The following MICAL1 variants were observed in gnomAD, a reference collection of about 807,000 sequenced individuals.
MICAL1 encodes [F-actin]-monooxygenase MICAL1.
MICAL1 carries 95 observed loss-of-function variants against 131.8 expected under a neutral mutation model. That is an observed-to-expected ratio of 0.72 (90% CI 0.61 to 0.86). The LOEUF is 0.86. Ranked by LOEUF, MICAL1 falls within the 40% of genes least tolerant of loss-of-function variation. The probability of loss-of-function intolerance (pLI) is 0.00; values close to 1 mark genes in which losing one functional copy is unlikely to be tolerated. For missense variants in MICAL1, 1,292 were observed against 1,380.6 expected, an observed-to-expected ratio of 0.94 and a Z score of 1.02; for synonymous variants, 546 against 554.2, an observed-to-expected ratio of 0.99 and a Z score of 0.21.
Position 109,447,979 on chromosome 6 carries a change from G to A in MICAL1, c.1856-16C>T. Reference sequence around the variant, plus strand: ...CTGACAGGGCCTGCGGGGAGAGCCAGGGCATCAGTGTGGATGGGGGGTGCC... The same window carrying A: ...CTGACAGGGCCTGCGGGGAGAGCCAAGGCATCAGTGTGGATGGGGGGTGCC... On this transcript the variant is annotated splice_polypyrimidine_tract_variant and intron_variant, in intron 13 of 24. Transcript: ENST00000358807. 6.3e-7 allele frequency: 1 copy of A among 1,593,638 alleles called. No individual in the cohort carries two copies.
chr6:109,449,744 T>C lies in MICAL1; in HGVS notation c.1347A>G (p.Glu449=). 6.2e-7 allele frequency: 1 copy of C among 1,608,014 alleles called. No homozygotes were observed. The highest frequency in any genetic ancestry group is 8.5e-7 in the Non-Finnish European group (1 of 1,176,934). The part of the protein sequence containing the change: ...LYQLLSQTSP[E]NMHRNVAQYG... Reference sequence around the variant, plus strand: ...ACTGGGCCACATTGCGATGCATGTTTTCTGGGGATGTCTGTGACAGAAGCT... The same window carrying C: ...ACTGGGCCACATTGCGATGCATGTTCTCTGGGGATGTCTGTGACAGAAGCT... Residue 449 remains glutamate (E), a synonymous_variant, in exon 10 of 25, where the codon GAA becomes GAG. Transcript: ENST00000358807.
Position 109,453,662 on chromosome 6 carries a change from A to G in MICAL1, c.442T>C (p.Cys148Arg). 1 of 1,610,902 alleles carries G rather than the reference A, an allele frequency of 6.2e-7. No homozygotes were observed. The highest frequency in any genetic ancestry group is 8.5e-7 in the Non-Finnish European group (1 of 1,178,592). ...LGAKKFYGRF[C>R]TGTLDHISIR... is the part of the protein sequence containing the mutation. ...CTGATGTGGTCCAGGGTGCCGGTGC[A>G]GAAGCGCCCGTAGAACTTCTTAGCA... is the stretch of plus-strand genomic sequence containing the variant. Residue 148 changes from cysteine (C) to arginine (R), a missense_variant, in exon 3 of 25, where the codon TGC becomes CGC. By Grantham distance (180) the Cys-to-Arg change is radical (BLOSUM62 -3). Coordinates refer to ENST00000358807, the MANE Select transcript of MICAL1 (RefSeq NM_022765.4).
At chr6:109,454,570 C>A in intron 1 of MICAL1, 1 of 330,284 alleles carries the variant, frequency 3.0e-6, no homozygotes, top group South Asian at 3.4e-5. Flanking sequence ...CTTCCTTAGG[C>A]CTTGGAATCA....
rs1257565808 is a variant in MICAL1, at chr6:109,448,629, CTG to C, written c.1664+101_1664+102del. 2.0e-6 allele frequency: 3 copies of C among 1,508,328 alleles called. No individual in the cohort carries two copies. In the East Asian group the frequency reaches 6.8e-5, roughly 34 times the overall value. 93.4% of individuals were successfully genotyped at this position (1,508,328 alleles called of 1,614,324 possible). On this transcript the variant is annotated intron_variant, in intron 12 of 24. Transcript: ENST00000358807. ...CTGAATGCATTAGAGTCTCACAAGA[CTG>C]TCGGCAGATGCAGGGAAGCACACTG...
chr6:109,453,563 G>C lies in MICAL1; in HGVS notation c.466+75C>G. The C allele has an allele frequency of 4.6e-6, 7 of 1,529,094 alleles. No homozygotes were observed. In the South Asian group the frequency reaches 6.0e-5, roughly 13 times the overall value. 94.7% of individuals were successfully genotyped at this position (1,529,094 alleles called of 1,614,324 possible). ...ATCTTGTCCACTTCGACATTTGGCTGTCCCAGCATTTCCCCACTGGCCTGC... is the reference window on the plus strand; with the variant it reads ...ATCTTGTCCACTTCGACATTTGGCTCTCCCAGCATTTCCCCACTGGCCTGC... On this transcript the variant is annotated intron_variant, in intron 3 of 24. Coordinates refer to ENST00000358807, the MANE Select transcript of MICAL1 (RefSeq NM_022765.4).
In MICAL1 at chr6:109,454,587, G is replaced by C. The variant is rs192789908; in HGVS notation, c.-43-348C>G. The stretch of plus-strand genomic sequence containing the variant: ...TCCTTAGGCCTTGGAATCAGGGTGT[G>C]CGGGGATTTCTTAGATGTGGAGAGG... On this transcript the variant is annotated intron_variant, in intron 1 of 24. Transcript: ENST00000358807. 4 of 293,422 alleles carry C rather than the reference G, an allele frequency of 1.4e-5. No individual in the cohort carries two copies. In the East Asian group the frequency reaches 3.3e-4, roughly 25 times the overall value. 18.2% of individuals were successfully genotyped at this position (293,422 alleles called of 1,614,324 possible).
rs1775108115 is a variant in MICAL1 at position 109,444,318 on chromosome 6, T to G, written c.3077A>C (p.Asp1026Ala). ...NREENLKTAA[D>A]RQAEDQVLRK... ...CAGGACCTGGTCCTCAGCCTGCCGA[T>G]CAGCAGCTGTCTTTAGGTTTTCTAA... Residue 1026 changes from aspartate to alanine, a missense_variant, in exon 25 of 25, where the codon GAT becomes GCT. By Grantham distance (126) the Asp-to-Ala change is moderately radical. Coordinates refer to ENST00000358807, the MANE Select transcript of MICAL1 (RefSeq NM_022765.4). 1 of 1,613,580 alleles carries G rather than the reference T, an allele frequency of 6.2e-7. No homozygotes were observed. Among genetic ancestry groups the G allele is most frequent in the East Asian group, 2.2e-5 (1 of 44,880 alleles).
At chr6:109,460,375 G>C (rs968352319), upstream of MICAL1, among the ~76,000 whole-genome samples, 10 of 147,982 alleles carry the variant, frequency 6.8e-5, no homozygotes, top group African/African-American at 2.5e-4. Context: ...GCTGTAGTGA[G>C]CCATGATCAT....
chr6:109,445,455 A>G lies in MICAL1; in HGVS notation c.2748T>C (p.Arg916=). The G allele has an allele frequency of 6.2e-7, 1 of 1,614,036 alleles. No homozygotes were observed. Among genetic ancestry groups the G allele is most frequent in the Non-Finnish European group, 8.5e-7 (1 of 1,180,032 alleles). Residue 916 remains arginine, a synonymous_variant, in exon 21 of 25, where the codon CGT becomes CGC. Coordinates refer to ENST00000358807, the MANE Select transcript of MICAL1 (RefSeq NM_022765.4). ...YPTWRRTLLR[R]AKEEEMKRFC... ...ACCTCTTCATCTCCTCCTCCTTCGC[A>G]CGGCGCAGCAGAGTCCGACGCCATG...
At chr6:109,464,585 A>C (rs1282825286) in intron 1 of MICAL1, 1 of 152,230 alleles carries the variant, frequency 6.6e-6, no homozygotes, top group African/African-American at 2.4e-5. Flanking sequence ...TGATGATTTA[A>C]AAATCATACA....
At chr6:109,446,620 C>G in intron 18 of MICAL1, 76 bp downstream of exon 18, 2 of 1,506,282 alleles carry the variant, frequency 1.3e-6, no homozygotes, top group South Asian at 2.3e-5. Flanking sequence ...TCAGTTACCC[C>G]CAGCAAAGCG....
intron 24 of MICAL1, 57 bp from the exon 25 acceptor site, chr6:109,444,396 CCACAA>C (rs1445191118): frequency 8.7e-6 from 14 of 1,607,256 alleles, no homozygotes; most frequent in Non-Finnish European, 1.0e-5. Context: ...AGCAGGAGGG[CCACAA>C]CCTAATCCCA....
rs578253112 is a variant in MICAL1 at position 109,455,540 on chromosome 6, G to T, written c.-44+179C>A. On this transcript the variant is annotated intron_variant, in intron 1 of 24. Coordinates refer to ENST00000358807, the MANE Select transcript of MICAL1 (RefSeq NM_022765.4). This position sits in a 1 kb window ranked among gnomAD's most constrained non-coding sequence, Gnocchi z 4.7. ...TGGACCGCGGGCGGCAGCGGTGGGG[G>T]TCCCCGACACTGGACGGCAAAGTCC... is the stretch of plus-strand genomic sequence containing the variant. 8.1e-6 allele frequency: 2 copies of T among 246,490 alleles called. No individual in the cohort carries two copies. Among genetic ancestry groups the T allele is most frequent in the Non-Finnish European group, 6.5e-6 (1 of 153,970 alleles). 15.3% of individuals were successfully genotyped at this position (246,490 alleles called of 1,614,324 possible). A position where few individuals can be genotyped will look rare whatever the true frequency, so the allele number is the denominator to read the frequency against.
chr6:109,449,606 G>C (rs1300047937), intron 10 of MICAL1, 51 bp downstream of exon 10: 2 of 1,593,812 alleles, frequency 1.3e-6, no homozygotes, highest in South Asian at 1.1e-5. Context: ...GGCCTGACCT[G>C]GGGGAAGGGG....
chr6:109,446,805 G>A (rs927315643), intron 17 of MICAL1, 33 bp from the exon 18 acceptor site: 3 of 1,593,042 alleles, frequency 1.9e-6, no homozygotes, highest in Middle Eastern at 1.9e-4. Context: ...GAGGCATTTG[G>A]TGTGGGCAGC....
intron 6 of MICAL1, 145 bp from the exon 7 acceptor site, chr6:109,451,845 G>C (rs1318958336): frequency 7.0e-7 from 1 of 1,435,802 alleles, no homozygotes; most frequent in Non-Finnish European, 9.1e-7. Context: ...CACGAGTCCT[G>C]ATGACACAAA....
chr6:109,452,621 G>A lies in MICAL1; in HGVS notation c.572-6C>T, dbSNP rs1265334694. The A allele has an allele frequency of 6.2e-7, 1 of 1,610,680 alleles. No individual in the cohort carries two copies. The highest frequency in any genetic ancestry group is 1.7e-5 in the Admixed American group (1 of 59,844). ...CTGGGCACGCCAGCCACTCCCTAGG[G>A]CAGGGGGTATGAGAGGCACAAAGGT... On this transcript the variant is annotated splice_polypyrimidine_tract_variant and splice_region_variant and intron_variant, in intron 4 of 24. Coordinates refer to ENST00000358807, the MANE Select transcript of MICAL1 (RefSeq NM_022765.4).
chr6:109,452,388 T>C lies in MICAL1; in HGVS notation c.690A>G (p.Arg230=). ...GKFVPEGFKV[R]EMRGKLAIGI... is the part of the protein sequence containing the mutation. ...CAATGGCCAGTTTGCCTCGCATTTCTCGAACTTTGAAGCCTAGAGGTGGCG... is the reference window on the plus strand; with the variant it reads ...CAATGGCCAGTTTGCCTCGCATTTCCCGAACTTTGAAGCCTAGAGGTGGCG... Residue 230 remains arginine (R), a synonymous_variant, in exon 6 of 25, where the codon CGA becomes CGG. Transcript: ENST00000358807. The C allele has an allele frequency of 6.2e-7, 1 of 1,614,116 alleles. No homozygotes were observed. Among genetic ancestry groups the C allele is most frequent in the Non-Finnish European group, 8.5e-7 (1 of 1,179,978 alleles).
In MICAL1 at chr6:109,445,785, A is replaced by G; in HGVS notation, c.2659T>C (p.Ser887Pro). The change falls in exon 20 of 25, where the codon TCA becomes CCA. Residue 887 changes from serine to proline, a missense_variant. Physicochemically the swap from Ser to Pro is moderately conservative, Grantham distance 74. Coordinates refer to ENST00000358807, the MANE Select transcript of MICAL1 (RefSeq NM_022765.4). ...GGCCCACTCACCTGTTCCACATCTG[A>G]GTCCAAAGGCACATCTTCTTCTTCC... ...EEEEEDVPLD[S>P]DVEQALQTFA... The G allele has an allele frequency of 1.2e-6, 2 of 1,611,472 alleles. No homozygotes were observed. The highest frequency in any genetic ancestry group is 1.1e-5 in the South Asian group (1 of 90,454).
Sources: gnomAD v4.1 joint callset for allele counts (sites outside exome capture counted in the v4.1 genomes callset) on GRCh38, gnomAD v4.1.1 for gene constraint, Gnocchi (gnomAD v3.1) non-coding constraint, MANE v1.5 for transcripts, NCBI Gene and HGNC (gene_info 2026-07-23, HGNC 2026-07-21) for gene names.